The following RMDN2 variants were observed in gnomAD, a reference collection of about 807,000 sequenced individuals.
RMDN2 encodes the protein regulator of microtubule dynamics protein 2.
A neutral mutation model predicts 52.8 loss-of-function variants in RMDN2; 61 were observed. The ratio of observed to expected loss-of-function variants is 1.16; its 90% CI spans 0.94 to 1.43. The LOEUF (loss-of-function observed/expected upper bound fraction) is 1.43. Ranked by LOEUF, RMDN2 falls within the 40% of genes most tolerant of loss-of-function variation. The pLI, the probability that RMDN2 is intolerant of heterozygous loss-of-function variation, is 0.00. For missense variants in RMDN2, 592 were observed against 475.3 expected, an observed-to-expected ratio of 1.25 and a Z score of -2.28; for synonymous variants, 180 against 153.1, an observed-to-expected ratio of 1.18 and a Z score of -1.30.
intron 2 of RMDN2, among the ~76,000 whole-genome samples, chr2:37,943,040 A>G (rs1667930768): frequency 1.3e-5 from 2 of 152,222 alleles, no homozygotes; most frequent in East Asian, 3.9e-4. Flanking sequence ...CACTGCCAGC[A>G]TGAGCAGCCA....
At chr2:38,011,564 C>T (rs566096883) in intron 10 of RMDN2, among the ~76,000 whole-genome samples, 1 of 152,138 alleles carries the variant, frequency 6.6e-6, no homozygotes, top group Non-Finnish European at 1.5e-5. Flanking sequence ...AAATAAGACA[C>T]ACCTGTTGCC....
At position 38,017,194 on chromosome 2, in the gene RMDN2, G is replaced by T. The variant is rs1311740445; in HGVS notation, c.1188G>T (p.Glu396Asp). The change falls in exon 11 of 11, where the codon GAG becomes GAT. Residue 396 changes from glutamate (E) to aspartate (D), a missense_variant. Glu to Asp is a conservative substitution (Grantham distance 45). Transcript: ENST00000354545. ...TTGTATTTTCTTTATAGGATAAAGA[G>T]GCACAGAAAGAGATGCAAAAAATAA... ...LLPTVTKEDK[E>D]AQKEMQKIMT... 1.4e-5 allele frequency: 22 copies of T among 1,526,664 alleles called. No homozygotes were observed. The South Asian group carries it at 2.6e-4, about 18-fold the overall frequency. 94.6% of individuals were successfully genotyped at this position (1,526,664 alleles called of 1,614,324 possible). A position where few individuals can be genotyped will look rare whatever the true frequency, so the allele number is the denominator to read the frequency against.
chr2:38,038,707 G>T (rs1433029503), intron 10 of RMDN2, among the ~76,000 whole-genome samples: 3 of 152,292 alleles, frequency 2.0e-5, no homozygotes, highest in African/African-American at 2.4e-5. Context: ...TTTGGAATCG[G>T]AATAGAAGGT....
chr2:37,934,409 T>C (rs1342009661), intron 2 of RMDN2, among the ~76,000 whole-genome samples: 1 of 152,206 alleles, frequency 6.6e-6, no homozygotes, highest in Non-Finnish European at 1.5e-5. Flanking sequence ...TGAACAATGC[T>C]CAAATTCTCA....
At chr2:38,013,377 A>G (rs907779039) in intron 10 of RMDN2, among the ~76,000 whole-genome samples, 1 of 152,256 alleles carries the variant, frequency 6.6e-6, no homozygotes, top group Admixed American at 6.5e-5. Context: ...AAATGGCATT[A>G]GTCACCTTTC....
intron 2 of RMDN2, among the ~76,000 whole-genome samples, chr2:37,940,805 G>A (rs185649237): frequency 2.6e-5 from 4 of 152,174 alleles, no homozygotes; most frequent in African/African-American, 4.8e-5. Context: ...CTTTTATCAA[G>A]GTTCTTAGTT....
intron 2 of RMDN2, among the ~76,000 whole-genome samples, chr2:37,953,875 G>T (rs1366440395): frequency 1.3e-5 from 2 of 151,726 alleles, no homozygotes; most frequent in African/African-American, 2.4e-5. Flanking sequence ...TTTGTTTTTT[G>T]TTATAGTAGC....
chr2:37,950,502 C>A, intron 2 of RMDN2: 1 of 1,612,582 alleles, frequency 6.2e-7, no homozygotes, highest in Non-Finnish European at 8.5e-7. Flanking sequence ...ACCTGTTCCA[C>A]CTCTACAGGG....
chr2:37,968,332 T>TGG (rs35354870), intron 2 of RMDN2, among the ~76,000 whole-genome samples: 8 of 149,734 alleles, frequency 5.3e-5, no homozygotes, highest in African/African-American at 2.0e-4. Flanking sequence ...AATCCCAGCT[T>TGG]GGGGGGCTGA....
intron 2 of RMDN2, among the ~76,000 whole-genome samples, chr2:37,960,856 C>T (rs990219209): frequency 2.0e-5 from 3 of 152,176 alleles, no homozygotes; most frequent in Admixed American, 1.3e-4. Context: ...TTTAATGCTT[C>T]CTTCAGGAAC....
intron 2 of RMDN2, among the ~76,000 whole-genome samples, chr2:37,942,343 C>T (rs1489528746): frequency 6.6e-6 from 1 of 151,926 alleles, no homozygotes; most frequent in Non-Finnish European, 1.5e-5. Context: ...TGTTTCTATT[C>T]GACCATCTTG....
At chr2:38,008,311 A>AAGTC (rs1377022939) in intron 10 of RMDN2, among the ~76,000 whole-genome samples, 1 of 152,038 alleles carries the variant, frequency 6.6e-6, no homozygotes, top group East Asian at 1.9e-4. Flanking sequence ...TGGGGTGTTA[A>AAGTC]AGTCTCCCAT....
chr2:37,978,643 T>C (rs901613349), intron 4 of RMDN2, among the ~76,000 whole-genome samples: 1 of 152,062 alleles, frequency 6.6e-6, no homozygotes, highest in Non-Finnish European at 1.5e-5. Flanking sequence ...CTGGGCAACA[T>C]AGGGAGACCT....
rs561774890 is a variant in RMDN2 at position 38,017,583 on chromosome 2, G to T, written c.*344G>T. On this transcript the variant is annotated 3_prime_UTR_variant, in exon 11 of 11. Coordinates refer to ENST00000354545, the MANE Select transcript of RMDN2 (RefSeq NM_001170791.3). ...ATTTTATTGTTTCAATGGAGACTTCGTAAGACAAAATAATTTCATTAATGT... is the reference window on the plus strand; with the variant it reads ...ATTTTATTGTTTCAATGGAGACTTCTTAAGACAAAATAATTTCATTAATGT... 362 of 1,226,288 alleles carry T rather than the reference G, an allele frequency of 3.0e-4. 1 individual carries two copies. Among genetic ancestry groups the T allele is most frequent in the Admixed American group, 6.5e-4 (25 of 38,622 alleles). 76.0% of individuals were successfully genotyped at this position (1,226,288 alleles called of 1,614,324 possible). A position where few individuals can be genotyped will look rare whatever the true frequency, so the allele number is the denominator to read the frequency against.
At chr2:37,953,953 A>G (rs1669148959) in intron 2 of RMDN2, among the ~76,000 whole-genome samples, 1 of 151,978 alleles carries the variant, frequency 6.6e-6, no homozygotes, top group Non-Finnish European at 1.5e-5. Context: ...GATTAGTGAC[A>G]TTGAACATCT....
At chr2:37,954,886 G>C (rs1669259248) in intron 2 of RMDN2, among the ~76,000 whole-genome samples, 1 of 152,008 alleles carries the variant, frequency 6.6e-6, no homozygotes, top group African/African-American at 2.4e-5. Flanking sequence ...ACAATGTTTT[G>C]TAGTTTTCAG....
chr2:37,982,243 C>G (rs1287611410), intron 5 of RMDN2, among the ~76,000 whole-genome samples: 1 of 152,284 alleles, frequency 6.6e-6, no homozygotes, highest in East Asian at 1.9e-4. Context: ...AAGTACAAAC[C>G]ATTTCCTCAA....
chr2:38,007,570 A>G (rs1156535059), intron 10 of RMDN2, among the ~76,000 whole-genome samples: 12 of 151,838 alleles, frequency 7.9e-5, no homozygotes, highest in Admixed American at 4.6e-4. Context: ...ATCATTTTTT[A>G]TTGCGTCTAT....
intron 2 of RMDN2, among the ~76,000 whole-genome samples, chr2:37,943,863 C>G (rs1668001155): frequency 6.6e-6 from 1 of 151,994 alleles, no homozygotes. Context: ...TTTTAGTACA[C>G]AATATTTCTA....
Sources: allele counts gnomAD v4.1 joint callset (sites outside exome capture counted in the v4.1 genomes callset), GRCh38; gene constraint gnomAD v4.1.1; transcripts MANE v1.5; gene names NCBI Gene and HGNC (gene_info 2026-07-23, HGNC 2026-07-21).